Variants in NEGR1 observed in about 807,000 individuals in gnomAD.
NEGR1 encodes neuronal growth regulator 1.
Under a neutral mutation model 40.9 loss-of-function variants are expected in NEGR1, and 10 were observed. The observed-to-expected ratio is 0.24, with a 90% confidence interval of 0.15 to 0.42. NEGR1 has a LOEUF of 0.42. NEGR1 is among the 10% of genes least tolerant of loss of function. The pLI, the probability that NEGR1 is intolerant of heterozygous loss-of-function variation, is 1.00. For missense variants in NEGR1, 352 were observed against 438.9 expected, an observed-to-expected ratio of 0.80 and a Z score of 1.77; for synonymous variants, 185 against 166.8, an observed-to-expected ratio of 1.11 and a Z score of -0.84.
At chr1:71,699,812 TG>T (rs1398049390) in intron 3 of NEGR1, among the ~76,000 whole-genome samples, 1 of 151,850 alleles carries the variant, frequency 6.6e-6, no homozygotes, top group Non-Finnish European at 1.5e-5. Flanking sequence ...AATTAAATCA[TG>T]GGGGCTGGTC....
chr1:71,990,824 G>A (rs1387032632), intron 1 of NEGR1, among the ~76,000 whole-genome samples: 1 of 151,584 alleles, frequency 6.6e-6, no homozygotes, highest in Admixed American at 6.6e-5. Flanking sequence ...TTTTCTTTCT[G>A]AGAAAGCTCA....
chr1:72,016,470 C>T (rs1646711269), intron 1 of NEGR1, among the ~76,000 whole-genome samples: 1 of 152,264 alleles, frequency 6.6e-6, no homozygotes, highest in South Asian at 2.1e-4. Flanking sequence ...TGCCTCACAA[C>T]ATTAAAAGGA....
chr1:71,794,271 C>A (rs1195074336), intron 2 of NEGR1: 3 of 152,086 alleles, frequency 2.0e-5, no homozygotes, highest in African/African-American at 7.2e-5. Context: ...TTAAAAAATT[C>A]ATCCTATCAC....
chr1:71,544,697 C>T (rs192286991), intron 6 of NEGR1, among the ~76,000 whole-genome samples: 2 of 151,602 alleles, frequency 1.3e-5, no homozygotes, highest in Non-Finnish European at 3.0e-5. Flanking sequence ...CTGACAGCCC[C>T]GTATAGGAGA....
chr1:71,743,910 G>A (rs1363312028), intron 3 of NEGR1, among the ~76,000 whole-genome samples: 1 of 152,120 alleles, frequency 6.6e-6, no homozygotes, highest in Non-Finnish European at 1.5e-5. Flanking sequence ...TCTATACAGG[G>A]AATTGCTTAT....
rs141342226 is a variant in NEGR1, at chr1:71,894,659, T to G, written c.409+40420A>C. ...CTAACTTATCAAATACAGGTTTAAC[T>G]TGCTAACTTGTTAACTTCATAACAC... On this transcript the variant is annotated intron_variant, in intron 2 of 6. Transcript: ENST00000357731. Among the ~76,000 whole-genome samples, 1,328 of 152,328 alleles carry G rather than the reference T, an allele frequency of 8.7e-3. 16 individuals carry two copies. Among genetic ancestry groups the G allele is most frequent in the African/African-American group, 0.031 (1,273 of 41,560 alleles).
chr1:71,485,252 G>T (rs1387732718), intron 6 of NEGR1, among the ~76,000 whole-genome samples: 1 of 151,232 alleles, frequency 6.6e-6, no homozygotes, highest in Non-Finnish European at 1.5e-5. Flanking sequence ...AACTTTATTG[G>T]ATTGTTTTAA....
At chr1:71,699,975 G>C (rs753326609) in intron 3 of NEGR1, among the ~76,000 whole-genome samples, 1 of 151,942 alleles carries the variant, frequency 6.6e-6, no homozygotes, top group East Asian at 1.9e-4. Flanking sequence ...ATGTGGAACT[G>C]TATGTCCGAT....
At chr1:71,973,599 G>T (rs977353249) in intron 1 of NEGR1, among the ~76,000 whole-genome samples, 2 of 152,096 alleles carry the variant, frequency 1.3e-5, no homozygotes, top group African/African-American at 4.8e-5. Context: ...CTTTAAGCAA[G>T]TTTTGAAAAT....
intron 4 of NEGR1, among the ~76,000 whole-genome samples, chr1:71,664,094 G>T (rs1652159618): frequency 1.3e-5 from 2 of 152,216 alleles, no homozygotes; most frequent in South Asian, 4.1e-4. Flanking sequence ...CATCCTTTTT[G>T]TGTGTGATTT....
chr1:71,430,464 T>G (rs2101292961), intron 6 of NEGR1, among the ~76,000 whole-genome samples: 1 of 152,246 alleles, frequency 6.6e-6, no homozygotes, highest in Non-Finnish European at 1.5e-5. Context: ...GTTTTGATTT[T>G]TTAATGGTAT....
intron 6 of NEGR1, among the ~76,000 whole-genome samples, chr1:71,531,000 T>G (rs563176810): frequency 6.6e-6 from 1 of 151,444 alleles, no homozygotes; most frequent in African/African-American, 2.4e-5. Flanking sequence ...TACTCAATTT[T>G]CATAATAACT....
At chr1:71,994,426 G>A (rs1646484326) in intron 1 of NEGR1, among the ~76,000 whole-genome samples, 2 of 151,976 alleles carry the variant, frequency 1.3e-5, no homozygotes, top group Non-Finnish European at 2.9e-5. Flanking sequence ...TACTCGGGAG[G>A]CTGAGGCAGG....
chr1:71,988,108 G>C (rs1016896709), intron 1 of NEGR1, among the ~76,000 whole-genome samples: 4 of 152,192 alleles, frequency 2.6e-5, no homozygotes, highest in African/African-American at 4.8e-5. Context: ...AGCAAGAAGA[G>C]GTCACAATTC....
chr1:72,193,485 A>G (rs554626460), intron 1 of NEGR1, among the ~76,000 whole-genome samples: 16 of 151,806 alleles, frequency 1.1e-4, no homozygotes, highest in African/African-American at 3.9e-4. Flanking sequence ...TTATAAAACA[A>G]GATTAGAGTG....
intron 1 of NEGR1, among the ~76,000 whole-genome samples, chr1:72,163,308 T>C (rs1437352622): frequency 6.6e-6 from 1 of 152,158 alleles, no homozygotes; most frequent in African/African-American, 2.4e-5. Flanking sequence ...CCAGAGTCTA[T>C]TCTGCTAACC....
At chr1:71,737,522 T>C (rs1009141665) in intron 3 of NEGR1, among the ~76,000 whole-genome samples, 1 of 152,176 alleles carries the variant, frequency 6.6e-6, no homozygotes, top group African/African-American at 2.4e-5. Flanking sequence ...TCATTTATCT[T>C]GCCATTAGTT....
intron 4 of NEGR1, among the ~76,000 whole-genome samples, chr1:71,614,745 T>C (rs1394998337): frequency 6.6e-6 from 1 of 152,106 alleles, no homozygotes; most frequent in Non-Finnish European, 1.5e-5. Context: ...ATCCGGAACA[T>C]TGCCTGAAAA....
intron 3 of NEGR1, among the ~76,000 whole-genome samples, chr1:71,708,305 T>C (rs1653970741): frequency 1.3e-5 from 2 of 151,604 alleles, no homozygotes; most frequent in Admixed American, 1.3e-4. Context: ...AATTTAATTA[T>C]GAGATTGAAA....
Sources: allele counts gnomAD v4.1 joint callset (sites outside exome capture counted in the v4.1 genomes callset), GRCh38; gene constraint gnomAD v4.1.1; transcripts MANE v1.5; gene names NCBI Gene and HGNC (gene_info 2026-07-23, HGNC 2026-07-21).